The following MACROD2 variants were observed in gnomAD, a reference collection of about 807,000 sequenced individuals.
MACROD2 encodes the protein ADP-ribose glycohydrolase MACROD2.
A neutral mutation model predicts 70.4 loss-of-function variants in MACROD2; 36 were observed. The ratio of observed to expected loss-of-function variants is 0.51; its 90% CI spans 0.39 to 0.68. MACROD2 has a LOEUF of 0.68. MACROD2 is among the 30% of genes least tolerant of loss of function. MACROD2 has a pLI of 0.00. For missense variants in MACROD2, 496 were observed against 538.4 expected (o/e 0.92, Z 0.78); for synonymous variants, 172 against 178.8 (o/e 0.96, Z 0.30).
intron 3 of MACROD2, among the ~76,000 whole-genome samples, chr20:14,332,381 C>T (rs552027038): frequency 6.6e-6 from 1 of 152,062 alleles, no homozygotes; most frequent in East Asian, 1.9e-4. Context: ...CGGCAATCTA[C>T]ATGTTTATGT....
chr20:14,351,673 C>A (rs2083124406), intron 3 of MACROD2, among the ~76,000 whole-genome samples: 1 of 152,130 alleles, frequency 6.6e-6, no homozygotes, highest in Non-Finnish European at 1.5e-5. Flanking sequence ...AAGATCATAT[C>A]ATCTGCAAAT....
At chr20:15,314,191 C>T (rs908160364) in intron 6 of MACROD2, among the ~76,000 whole-genome samples, 1 of 151,806 alleles carries the variant, frequency 6.6e-6, no homozygotes, top group African/African-American at 2.4e-5. Flanking sequence ...ACCAAGAAAT[C>T]AAGTAAAAGC....
In MACROD2 at chr20:15,885,823, A is replaced by T; in HGVS notation, c.775+12A>T. On this transcript the variant is annotated intron_variant, in intron 10 of 17. Coordinates refer to ENST00000684519, the MANE Select transcript of MACROD2 (RefSeq NM_001351661.2). ...GAAAGAAGATTCAGGTATTAAATTCATACTTTTATTATTAGGGGGTAGGTA... is the reference window on the plus strand; with the variant it reads ...GAAAGAAGATTCAGGTATTAAATTCTTACTTTTATTATTAGGGGGTAGGTA... The T allele has an allele frequency of 6.7e-7, 1 of 1,500,774 alleles. No homozygotes were observed. Among genetic ancestry groups the T allele is most frequent in the African/African-American group, 1.4e-5 (1 of 69,508 alleles). The allele number at this position is 1,500,774 out of a possible 1,614,324, so 93.0% of individuals were successfully genotyped here.
chr20:14,576,816 A>G (rs1980632377), intron 4 of MACROD2, among the ~76,000 whole-genome samples: 1 of 152,244 alleles, frequency 6.6e-6, no homozygotes, highest in Admixed American at 6.5e-5. Context: ...TTATATTGGA[A>G]GAAATAATGC....
intron 2 of MACROD2, among the ~76,000 whole-genome samples, chr20:14,030,769 A>G (rs192673753): frequency 6.6e-6 from 1 of 151,970 alleles, no homozygotes; most frequent in African/African-American, 2.4e-5. Context: ...CCTCCCTCCA[A>G]AGGACTTGTG....
intron 6 of MACROD2, among the ~76,000 whole-genome samples, chr20:15,429,122 A>T (rs774098450): frequency 2.0e-5 from 3 of 152,136 alleles, no homozygotes; most frequent in Non-Finnish European, 4.4e-5. Context: ...AATCGTAACA[A>T]ATATATAGTA....
intron 3 of MACROD2, among the ~76,000 whole-genome samples, chr20:14,355,182 T>C (rs904686878): frequency 7.2e-5 from 11 of 152,332 alleles, no homozygotes; most frequent in African/African-American, 2.4e-4. Flanking sequence ...ACCTCCAAAC[T>C]GCTTTCCACA....
intron 3 of MACROD2, among the ~76,000 whole-genome samples, chr20:14,372,274 C>A (rs535353806): frequency 6.6e-6 from 1 of 151,758 alleles, no homozygotes; most frequent in South Asian, 2.1e-4. Flanking sequence ...CAAAATAAGT[C>A]TTAATTAGGA....
chr20:14,731,423 C>T (rs562584496), intron 5 of MACROD2, among the ~76,000 whole-genome samples: 53 of 152,280 alleles, frequency 3.5e-4, no homozygotes, highest in African/African-American at 1.1e-3. Context: ...GCCCTTCCAA[C>T]GTACCACATG....
intron 6 of MACROD2, among the ~76,000 whole-genome samples, chr20:15,359,806 C>A (rs558311043): frequency 6.6e-6 from 1 of 152,052 alleles, no homozygotes; most frequent in South Asian, 2.1e-4. Flanking sequence ...ATTCTTCAGC[C>A]GGTTTCCTTG....
intron 3 of MACROD2, among the ~76,000 whole-genome samples, chr20:14,228,789 T>G (rs1429525767): frequency 6.6e-6 from 1 of 152,032 alleles, no homozygotes. Flanking sequence ...GTGGTTTACT[T>G]GAGGCCAGGA....
intron 8 of MACROD2, among the ~76,000 whole-genome samples, chr20:15,538,975 A>G (rs2047916809): frequency 6.6e-6 from 1 of 152,130 alleles, no homozygotes; most frequent in Admixed American, 6.5e-5. Context: ...AATAAATAAT[A>G]TGTCTATATC....
rs1011908744 is a variant in MACROD2 at position 14,296,218 on chromosome 20, A to G, written c.272-197261A>G. Among the ~76,000 whole-genome samples the G allele has an allele frequency of 1.3e-5, 2 of 151,932 alleles. 1 individual carries two copies. Among genetic ancestry groups the G allele is most frequent in the Non-Finnish European group, 2.9e-5 (2 of 68,002 alleles). ...TGCTATAATTAATACTTAGGATACA[A>G]TGACCTTGGGAAAATTCGATATCAT... On this transcript the variant is annotated intron_variant, in intron 3 of 17. Transcript: ENST00000684519.
intron 3 of MACROD2, among the ~76,000 whole-genome samples, chr20:14,446,901 A>G (rs2084188884): frequency 6.6e-6 from 1 of 152,186 alleles, no homozygotes; most frequent in African/African-American, 2.4e-5. Flanking sequence ...AACAATGCCT[A>G]TAACTTATAA....
intron 3 of MACROD2, among the ~76,000 whole-genome samples, chr20:14,285,542 GA>G (rs1402016706): frequency 1.3e-5 from 2 of 151,482 alleles, no homozygotes; most frequent in African/African-American, 2.4e-5. Context: ...CCTCTATTAG[GA>G]TGATTTCTTT....
chr20:14,878,750 A>G (rs2073578491), intron 5 of MACROD2, among the ~76,000 whole-genome samples: 1 of 152,070 alleles, frequency 6.6e-6, no homozygotes, highest in African/African-American at 2.4e-5. Flanking sequence ...TAACCAGCAG[A>G]ATTTTAATTT....
chr20:15,289,616 G>A (rs1455660664), intron 6 of MACROD2, among the ~76,000 whole-genome samples: 1 of 152,228 alleles, frequency 6.6e-6, no homozygotes, highest in Non-Finnish European at 1.5e-5. Context: ...GGTAGATCTT[G>A]AAAAGCCCTT....
intron 5 of MACROD2, among the ~76,000 whole-genome samples, chr20:14,926,984 T>C (rs932899): frequency 0.51 from 77,839 of 152,018 alleles, 20,374 homozygotes; most frequent in South Asian, 0.71. Context: ...ACTAAATACA[T>C]CCACCTTATT....
At chr20:15,995,551 C>T (rs1338652721) in intron 15 of MACROD2, among the ~76,000 whole-genome samples, 4 of 150,574 alleles carry the variant, frequency 2.7e-5, no homozygotes, top group Non-Finnish European at 5.9e-5. Context: ...AGGGTTTCAC[C>T]GTGTTAGCCA....
Sources: gnomAD v4.1 joint callset for allele counts (sites outside exome capture counted in the v4.1 genomes callset) on GRCh38, gnomAD v4.1.1 for gene constraint, MANE v1.5 for transcripts, NCBI Gene and HGNC (gene_info 2026-07-23, HGNC 2026-07-21) for gene names.